Variants in DPH7 observed in about 807,000 individuals in gnomAD.
The protein encoded by DPH7 is diphthamide biosynthesis 7, also known as diphthine methyltransferase.
DPH7 carries 44 observed loss-of-function variants against 41.7 expected under a neutral mutation model. The observed-to-expected ratio is 1.05, with a 90% CI of 0.83 to 1.36. The LOEUF (loss-of-function observed/expected upper bound fraction) is 1.36. Ranked by LOEUF, DPH7 falls within the 40% of genes most tolerant of loss-of-function variation. The pLI is 0.00. For missense variants in DPH7, 629 were observed against 577.5 expected (o/e 1.09, Z -0.91); for synonymous variants, 275 against 238.0 (o/e 1.16, Z -1.43).
intron 8 of DPH7, among the ~76,000 whole-genome samples, chr9:137,561,566 T>TG (rs1838609732): frequency 8.3e-6 from 1 of 120,816 alleles, no homozygotes; most frequent in Admixed American, 8.9e-5. Context: ...AAAAAAAGCA[T>TG]GACCCCATAC....
At chr9:137,561,825 T>C (rs1004303632) in intron 8 of DPH7, among the ~76,000 whole-genome samples, 5 of 152,128 alleles carry the variant, frequency 3.3e-5, no homozygotes, top group Admixed American at 3.3e-4. Context: ...AGGCTGGAAA[T>C]ACATAATTCT....
At chr9:137,565,183 CACT>C (rs1260706225) in intron 5 of DPH7, 29 bp from the exon 6 acceptor site, 1 of 1,609,854 alleles carries the variant, frequency 6.2e-7, no homozygotes, top group East Asian at 2.2e-5. Flanking sequence ...GCATCAACAC[CACT>C]AATGACAGGA....
intron 5 of DPH7, among the ~76,000 whole-genome samples, chr9:137,571,311 C>G (rs150165977): frequency 6.6e-6 from 1 of 151,914 alleles, no homozygotes; most frequent in African/African-American, 2.4e-5. Flanking sequence ...CTCAGCCTCC[C>G]GAGTAGTTGG....
chr9:137,564,838 C>CAGAAGGG, intron 7 of DPH7, 55 bp downstream of exon 7: 1 of 1,550,780 alleles, frequency 6.4e-7, no homozygotes, highest in Non-Finnish European at 8.7e-7. Context: ...GCCCAGGAGC[C>CAGAAGGG]CCCCGGGGAC....
chr9:137,559,088 A>G (rs1014056632), intron 8 of DPH7, among the ~76,000 whole-genome samples: 13 of 152,236 alleles, frequency 8.5e-5, no homozygotes, highest in Non-Finnish European at 1.9e-4. Flanking sequence ...TAGATCTTAG[A>G]TAATGATTAT....
In DPH7 at chr9:137,555,278, A is replaced by G; in HGVS notation, c.1320T>C (p.Tyr440=). Residue 440 remains tyrosine (Y), a synonymous_variant, in exon 9 of 9, where the codon TAT becomes TAC. Coordinates refer to ENST00000277540, the MANE Select transcript of DPH7 (RefSeq NM_138778.5). ...AFSLLATCSF[Y]DHALHLWEWE... is the part of the protein sequence containing the mutation. ...ACTCCCAGAGGTGGAGCGCATGGTC[A>G]TAGAAGGAGCAGGTGGCCAGGAGGC... is the stretch of plus-strand genomic sequence containing the variant. 1 of 1,613,394 alleles carries G rather than the reference A, an allele frequency of 6.2e-7. No homozygotes were observed. Among genetic ancestry groups the G allele is most frequent in the Non-Finnish European group, 8.5e-7 (1 of 1,179,600 alleles).
At chr9:137,577,919 T>C (rs1241045045) in intron 1 of DPH7, 1 of 972,798 alleles carries the variant, frequency 1.0e-6, no homozygotes, top group Non-Finnish European at 1.2e-6. Context: ...TGGATCCTAA[T>C]ATGTACCCAC....
chr9:137,577,134 T>C (rs1841552148), intron 2 of DPH7, among the ~76,000 whole-genome samples: 1 of 152,050 alleles, frequency 6.6e-6, no homozygotes, highest in African/African-American at 2.4e-5. Flanking sequence ...CACCATGGTA[T>C]ACGTGCTCCA....
intron 2 of DPH7, among the ~76,000 whole-genome samples, chr9:137,577,179 T>C (rs191296146): frequency 6.6e-6 from 1 of 152,140 alleles, no homozygotes; most frequent in Non-Finnish European, 1.5e-5. Context: ...CACACACCAC[T>C]GCATTTAAAT....
intron 8 of DPH7, among the ~76,000 whole-genome samples, chr9:137,563,645 C>A (rs568270339): frequency 6.6e-6 from 1 of 152,092 alleles, no homozygotes; most frequent in South Asian, 2.1e-4. Context: ...GGTCACCCAC[C>A]GCTGCAGAGG....
chr9:137,559,503 C>T (rs1375531202), intron 8 of DPH7, among the ~76,000 whole-genome samples: 11 of 152,318 alleles, frequency 7.2e-5, no homozygotes, highest in South Asian at 4.1e-4. Flanking sequence ...CGCAGTTATC[C>T]GGAGGCCTAA....
At chr9:137,572,728 A>G (rs1338267019) in intron 5 of DPH7, among the ~76,000 whole-genome samples, 2 of 152,208 alleles carry the variant, frequency 1.3e-5, no homozygotes, top group Non-Finnish European at 2.9e-5. Context: ...ACCAGTTGTT[A>G]ATTTCTCACT....
At chr9:137,577,059 A>G (rs926344748) in intron 2 of DPH7, among the ~76,000 whole-genome samples, 6 of 151,948 alleles carry the variant, frequency 3.9e-5, no homozygotes, top group Non-Finnish European at 8.8e-5. Context: ...GCCTCAAAAA[A>G]AAAAAAATTA....
At chr9:137,575,906 A>G in intron 3 of DPH7, 174 bp downstream of exon 3, 16 of 1,416,482 alleles carry the variant, frequency 1.1e-5, no homozygotes, top group Non-Finnish European at 1.5e-5. Flanking sequence ...TTGGAGTTGG[A>G]TGTAGAACGC....
At chr9:137,576,961 A>G (rs116820114) in intron 2 of DPH7, among the ~76,000 whole-genome samples, 1,920 of 151,856 alleles carry the variant, frequency 0.013, 37 homozygotes, top group African/African-American at 0.044. Flanking sequence ...AGGCTGAGAC[A>G]GAGAATTGCT....
intron 5 of DPH7, among the ~76,000 whole-genome samples, chr9:137,569,331 TTCCA>T (rs1839979197): frequency 2.8e-5 from 1 of 36,102 alleles, no homozygotes; most frequent in Non-Finnish European, 5.2e-5. Context: ...CCCACCCACC[TTCCA>T]TCCATCTACC....
intron 5 of DPH7, among the ~76,000 whole-genome samples, chr9:137,572,673 A>G (rs1840644981): frequency 6.6e-6 from 1 of 152,138 alleles, no homozygotes; most frequent in African/African-American, 2.4e-5. Context: ...AGTTATCTCT[A>G]CCTGGGAAAG....
intron 5 of DPH7, among the ~76,000 whole-genome samples, chr9:137,569,611 C>A (rs1374679619): frequency 1.4e-5 from 2 of 140,648 alleles, no homozygotes; most frequent in Admixed American, 7.2e-5. Flanking sequence ...AGCCAGCCAG[C>A]CACTCACCCA....
At chr9:137,575,114 A>C in intron 3 of DPH7, 3 of 1,191,790 alleles carry the variant, frequency 2.5e-6, no homozygotes, top group Non-Finnish European at 3.1e-6. Context: ...TCCCTTTCAC[A>C]CCCCCTTGCC....
Sources: gnomAD v4.1 joint callset for allele counts (sites outside exome capture counted in the v4.1 genomes callset) on GRCh38, gnomAD v4.1.1 for gene constraint, MANE v1.5 for transcripts, NCBI Gene and HGNC (gene_info 2026-07-23, HGNC 2026-07-21) for gene names.